Variants in SERPINB12 observed in about 807,000 individuals in gnomAD.
SERPINB12 encodes the protein serpin family B member 12, also known as serpin B12.
A neutral mutation model predicts 41.1 loss-of-function variants in SERPINB12; 57 were observed. The ratio of observed to expected loss-of-function variants is 1.39; its 90% CI spans 1.12 to 1.73. The LOEUF (loss-of-function observed/expected upper bound fraction) is 1.73. SERPINB12 is among the 40% of genes most tolerant of loss of function. The pLI is 0.00. For missense variants in SERPINB12, 536 were observed against 501.9 expected, an observed-to-expected ratio of 1.07 and a Z score of -0.65; for synonymous variants, 180 against 181.3, an observed-to-expected ratio of 0.99 and a Z score of 0.06.
intron 1 of SERPINB12, among the ~76,000 whole-genome samples, chr18:63,548,823 T>C (rs1042316450): frequency 2.6e-5 from 4 of 152,070 alleles, no homozygotes; most frequent in Non-Finnish European, 5.9e-5. Flanking sequence ...AAAAGGTGAT[T>C]ATGATATAGC....
chr18:63,520,092 C>T, the SERPINB12 span, among the ~76,000 whole-genome samples: 9 of 152,206 alleles, frequency 5.9e-5, no homozygotes, highest in Admixed American at 1.3e-4. Flanking sequence ...GGGCCTTCAC[C>T]CTCAGCTCTG....
chr18:63,532,204 T>G, the SERPINB12 span, among the ~76,000 whole-genome samples: 2 of 152,148 alleles, frequency 1.3e-5, no homozygotes, highest in African/African-American at 4.8e-5. Flanking sequence ...ATCATACATT[T>G]TAGTTCAAGA....
At chr18:63,530,760 AT>A in the SERPINB12 span, among the ~76,000 whole-genome samples, 1 of 152,178 alleles carries the variant, frequency 6.6e-6, no homozygotes, top group Admixed American at 6.5e-5. Context: ...TAAGTACATA[AT>A]TAAGTGAAGT....
At chr18:63,547,995 A>T (rs60202422) in intron 1 of SERPINB12, among the ~76,000 whole-genome samples, 3,699 of 152,280 alleles carry the variant, frequency 0.024, 156 homozygotes, top group African/African-American at 0.084. Flanking sequence ...GGGTACAAGG[A>T]TGAATTAAAA....
chr18:63,559,671 A>C lies in SERPINB12; in HGVS notation c.397A>C (p.Ser133Arg). The change falls in exon 4 of 8, where the codon AGT becomes CGT. Residue 133 changes from serine (S) to arginine (R), a missense_variant. Ser to Arg is a moderately radical substitution (Grantham distance 110). Coordinates refer to ENST00000382768, the MANE Select transcript of SERPINB12 (RefSeq NM_001307928.2). ...CAGGATCAAGACTGATTACACACTG[A>C]GTATTGCCAACAGGCTTTATGGAGA... is the stretch of plus-strand genomic sequence containing the variant. ...LDRIKTDYTL[S>R]IANRLYGEQE... The C allele has an allele frequency of 6.2e-7, 1 of 1,614,100 alleles. No individual in the cohort carries two copies. Among genetic ancestry groups the C allele is most frequent in the Non-Finnish European group, 8.5e-7 (1 of 1,179,978 alleles).
intron 5 of SERPINB12, 100 bp from the exon 6 acceptor site, chr18:63,563,878 A>G (rs931743536): frequency 6.1e-6 from 7 of 1,148,582 alleles, no homozygotes; most frequent in East Asian, 2.5e-5. Flanking sequence ...CCTGGGAGAC[A>G]AGAGCGAAAC....
In SERPINB12 at chr18:63,568,238, G is replaced by T. The variant is rs577710661; in HGVS notation, c.*1227G>T. On this transcript the variant is annotated 3_prime_UTR_variant, in exon 8 of 8. Coordinates refer to ENST00000382768, the MANE Select transcript of SERPINB12 (RefSeq NM_001307928.2). Reference sequence around the variant, plus strand: ...TCTACAAAAAATACAGAAATTAGCCGGGCGTGGTGGTGTGCACCTATAGTC... The same window carrying T: ...TCTACAAAAAATACAGAAATTAGCCTGGCGTGGTGGTGTGCACCTATAGTC... Among the ~76,000 whole-genome samples the T allele has an allele frequency of 8.5e-5, 13 of 152,190 alleles. No homozygotes were observed. The highest frequency in any genetic ancestry group is 3.1e-4 in the African/African-American group (13 of 41,530).
chr18:63,546,544 A>G (rs933321999), intron 1 of SERPINB12, among the ~76,000 whole-genome samples: 1 of 152,220 alleles, frequency 6.6e-6, no homozygotes, highest in Admixed American at 6.5e-5. Flanking sequence ...ACTTAGAAAG[A>G]TTTTAGAATA....
intron 1 of SERPINB12, among the ~76,000 whole-genome samples, chr18:63,547,134 G>A (rs1311296295): frequency 6.6e-6 from 1 of 152,220 alleles, no homozygotes; most frequent in Non-Finnish European, 1.5e-5. Flanking sequence ...AGATGTGGCA[G>A]TCATCACTGG....
chr18:63,536,674 G>A, the SERPINB12 span, among the ~76,000 whole-genome samples: 9 of 152,094 alleles, frequency 5.9e-5, no homozygotes, highest in African/African-American at 1.7e-4. Flanking sequence ...TGGACAGAAC[G>A]ATGATCTCCA....
At chr18:63,552,279 T>C (rs1910552650) in intron 1 of SERPINB12, among the ~76,000 whole-genome samples, 1 of 152,202 alleles carries the variant, frequency 6.6e-6, no homozygotes, top group Non-Finnish European at 1.5e-5. Context: ...TCTATGTTTA[T>C]TCAAAAAGAC....
intron 5 of SERPINB12, among the ~76,000 whole-genome samples, chr18:63,561,403 T>G (rs1910906564): frequency 6.6e-6 from 1 of 152,180 alleles, no homozygotes. Context: ...AACGACAGAT[T>G]CTGTCAAGGC....
intron 2 of SERPINB12, among the ~76,000 whole-genome samples, chr18:63,557,398 G>T (rs1200757590): frequency 6.6e-6 from 1 of 152,108 alleles, no homozygotes; most frequent in East Asian, 1.9e-4. Flanking sequence ...ATAAATAAAT[G>T]AAGGTAATAA....
At chr18:63,565,807 T>C (rs966730143) in intron 7 of SERPINB12, among the ~76,000 whole-genome samples, 195 bp downstream of exon 7, 3 of 152,192 alleles carry the variant, frequency 2.0e-5, no homozygotes, top group Non-Finnish European at 2.9e-5. Flanking sequence ...GCCAAAAATA[T>C]TGGGATTGGA....
chr18:63,555,520 C>T (rs1181444297), intron 1 of SERPINB12, among the ~76,000 whole-genome samples: 1 of 152,168 alleles, frequency 6.6e-6, no homozygotes, highest in Non-Finnish European at 1.5e-5. Flanking sequence ...AGTTTAAGTC[C>T]TAATCCTTCT....
chr18:63,550,418 T>C (rs1910494600), intron 1 of SERPINB12, among the ~76,000 whole-genome samples: 1 of 152,208 alleles, frequency 6.6e-6, no homozygotes, highest in South Asian at 2.1e-4. Context: ...TATACAGTAC[T>C]CTTAGCTATT....
In SERPINB12 at chr18:63,542,811, A is replaced by G. The variant is rs556521412; in HGVS notation, c.-19+319A>G. The stretch of plus-strand genomic sequence containing the variant: ...CTTCTCCCATCCTTCACCCTCAAGT[A>G]GGTCCCAGTATCTGTTATTCCTTTT... On this transcript the variant is annotated intron_variant, in intron 1 of 7. Transcript: ENST00000382768. Among the ~76,000 whole-genome samples the G allele has an allele frequency of 5.3e-5, 8 of 152,260 alleles. No individual in the cohort carries two copies. In the East Asian group the frequency reaches 1.4e-3, roughly 26 times the overall value.
chr18:63,543,777 A>G (rs1438519166), intron 1 of SERPINB12, among the ~76,000 whole-genome samples: 2 of 151,774 alleles, frequency 1.3e-5, no homozygotes, highest in Non-Finnish European at 2.9e-5. Flanking sequence ...CCACGACACC[A>G]GGCTAATTTT....
At chr18:63,531,594 C>T in the SERPINB12 span, among the ~76,000 whole-genome samples, 19 of 152,140 alleles carry the variant, frequency 1.2e-4, no homozygotes, top group Non-Finnish European at 2.2e-4. Flanking sequence ...TTCCCTGTCT[C>T]CTACTGAGGG....
Sources: allele counts gnomAD v4.1 joint callset (sites outside exome capture counted in the v4.1 genomes callset), GRCh38; gene constraint gnomAD v4.1.1; transcripts MANE v1.5; gene names NCBI Gene and HGNC (gene_info 2026-07-23, HGNC 2026-07-21).